The following HTT variants were observed in gnomAD, a reference collection of about 807,000 sequenced individuals.
HTT encodes huntington disease protein.
In HTT, 104 loss-of-function variants were observed where a neutral mutation model predicts 362.3. That is an observed-to-expected ratio of 0.29 (90% confidence interval 0.24 to 0.34). HTT has a LOEUF of 0.34. HTT is among the 10% of genes least tolerant of loss of function. The pLI is 1.00. For missense variants in HTT, 3,301 were observed against 3,928.6 expected, an observed-to-expected ratio of 0.84 and a Z score of 4.27; for synonymous variants, 1,577 against 1,548.7, an observed-to-expected ratio of 1.02 and a Z score of -0.43.
chr4:3,143,964 A>G (rs1166059362), intron 23 of HTT, among the ~76,000 whole-genome samples: 4 of 152,154 alleles, frequency 2.6e-5, no homozygotes, highest in Non-Finnish European at 4.4e-5. Flanking sequence ...ATATCCAAGA[A>G]TCCAAGAATA....
At chr4:3,152,514 A>G (rs887674840) in intron 26 of HTT, among the ~76,000 whole-genome samples, 1 of 152,214 alleles carries the variant, frequency 6.6e-6, no homozygotes, top group African/African-American at 2.4e-5. Flanking sequence ...TTTAGAACCC[A>G]TAAAGGAACT....
At chr4:3,173,224 C>T (rs1718075025) in intron 31 of HTT, 93 bp downstream of exon 31, 3 of 938,746 alleles carry the variant, frequency 3.2e-6, no homozygotes, top group African/African-American at 1.6e-5. Context: ...AAAATGTTAG[C>T]GAACATCTTC....
intron 6 of HTT, among the ~76,000 whole-genome samples, chr4:3,109,934 G>A (rs956494896): frequency 6.6e-6 from 1 of 152,176 alleles, no homozygotes; most frequent in African/African-American, 2.4e-5. Flanking sequence ...TACAGTGTTG[G>A]CTTGTGCTGG....
chr4:3,225,196 C>T (rs1029497808), intron 56 of HTT, among the ~76,000 whole-genome samples: 5 of 152,088 alleles, frequency 3.3e-5, no homozygotes, highest in Admixed American at 2.0e-4. Context: ...ATCCTGCTCC[C>T]GCTCCTGCCG....
intron 3 of HTT, among the ~76,000 whole-genome samples, chr4:3,100,293 A>G (rs1714090304): frequency 6.6e-6 from 1 of 152,200 alleles, no homozygotes; most frequent in South Asian, 2.1e-4. Context: ...AAGTGGTAAG[A>G]AGTGTTCTTA....
rs1402434096 is a variant in HTT at position 3,132,470 on chromosome 4, C to G, written c.2237-92C>G. The G allele has an allele frequency of 6.3e-6, 7 of 1,104,092 alleles. No homozygotes were observed. In the Admixed American group the frequency reaches 1.1e-4, roughly 18 times the overall value. 68.4% of individuals were successfully genotyped at this position (1,104,092 alleles called of 1,614,324 possible). ...GAATTTGGATCTTCTCTTCACACCT[C>G]TTTTTCTCTTTCCTGAGAATTAAGC... On this transcript the variant is annotated intron_variant, in intron 16 of 66. Coordinates refer to ENST00000355072, the MANE Select transcript of HTT (RefSeq NM_001388492.1).
At chr4:3,084,795 C>G (rs753440998) in intron 1 of HTT, among the ~76,000 whole-genome samples, 1 of 151,848 alleles carries the variant, frequency 6.6e-6, no homozygotes, top group Non-Finnish European at 1.5e-5. Context: ...GGGCAGATCA[C>G]GAGGTCAGGA....
In HTT at chr4:3,218,261, C is replaced by T. The variant is rs889567751; in HGVS notation, c.7242+309C>T. Among the ~76,000 whole-genome samples the T allele has an allele frequency of 6.6e-6, 1 of 152,242 alleles. No homozygotes were observed. The highest frequency in any genetic ancestry group is 6.5e-5 in the Admixed American group (1 of 15,284). On this transcript the variant is annotated intron_variant, in intron 52 of 66. Transcript: ENST00000355072. The surrounding 1 kb of genome is among the most constrained non-coding windows in gnomAD (Gnocchi z 4.4). ...TAGCAGACCAGAAACCACACCCCCTCGAGTGAGTGAGATTTTCCTTTGGAG... is the reference window on the plus strand; with the variant it reads ...TAGCAGACCAGAAACCACACCCCCTTGAGTGAGTGAGATTTTCCTTTGGAG...
intron 40 of HTT, among the ~76,000 whole-genome samples, chr4:3,191,995 GTGT>G (rs1472461375): frequency 6.6e-6 from 1 of 152,204 alleles, no homozygotes; most frequent in African/African-American, 2.4e-5. Flanking sequence ...ACTGCATCTA[GTGT>G]TGTAATTCTG....
At chr4:3,134,564 T>C (rs1418296715) in intron 19 of HTT, 24 bp downstream of exon 19, 1 of 1,602,418 alleles carries the variant, frequency 6.2e-7, no homozygotes, top group Admixed American at 1.7e-5. Context: ...ATCCATTAGA[T>C]TTCATGAACT....
At chr4:3,138,642 C>T (rs1716197312) in intron 21 of HTT, among the ~76,000 whole-genome samples, 1 of 152,174 alleles carries the variant, frequency 6.6e-6, no homozygotes, top group African/African-American at 2.4e-5. Flanking sequence ...GATAGGGTCT[C>T]ATTCTATGAT....
At chr4:3,180,406 G>A (rs913870382) in intron 35 of HTT, 109 bp from the exon 36 acceptor site, 30 of 967,774 alleles carry the variant, frequency 3.1e-5, no homozygotes, top group Non-Finnish European at 4.3e-5. Flanking sequence ...AACCAAGTAT[G>A]TGTAAGGGTT....
intron 3 of HTT, among the ~76,000 whole-genome samples, chr4:3,102,133 G>C (rs1052226516): frequency 1.3e-5 from 2 of 152,200 alleles, no homozygotes; most frequent in African/African-American, 4.8e-5. Context: ...GAGGAGGACA[G>C]GTGGGAGGGA....
At chr4:3,221,695 T>C (rs902799359) in intron 53 of HTT, among the ~76,000 whole-genome samples, 2 of 152,196 alleles carry the variant, frequency 1.3e-5, no homozygotes, top group South Asian at 4.1e-4. Flanking sequence ...GACATCATGA[T>C]GGGGACATGA....
intron 12 of HTT, chr4:3,129,521 G>T: frequency 5.9e-6 from 1 of 168,374 alleles, no homozygotes; most frequent in East Asian, 1.8e-4. Context: ...CCTAAATTTA[G>T]TAGATTTAGT....
At chr4:3,211,200 G>A (rs1363221799) in intron 47 of HTT, among the ~76,000 whole-genome samples, 6 of 152,060 alleles carry the variant, frequency 3.9e-5, no homozygotes, top group Admixed American at 2.0e-4. Flanking sequence ...CACCACGCCC[G>A]GCCTAAAATT....
At chr4:3,091,115 GA>G (rs1286411197) in intron 2 of HTT, among the ~76,000 whole-genome samples, 1 of 151,808 alleles carries the variant, frequency 6.6e-6, no homozygotes, top group African/African-American at 2.4e-5. Context: ...TCTGTCTCAA[GA>G]AAAAAGAGAA....
At chr4:3,166,855 T>C (rs1002994122) in intron 29 of HTT, among the ~76,000 whole-genome samples, 4 of 152,224 alleles carry the variant, frequency 2.6e-5, no homozygotes, top group Admixed American at 6.5e-5. Flanking sequence ...ATGGCTTCCT[T>C]TGGCTTGGAA....
intron 46 of HTT, 51 bp from the exon 47 acceptor site, chr4:3,209,776 C>T (rs1312493896): frequency 1.9e-6 from 3 of 1,604,406 alleles, no homozygotes; most frequent in Non-Finnish European, 2.6e-6. Context: ...GATGTGAAGT[C>T]CCCTTGAACG....
Sources: allele counts gnomAD v4.1 joint callset (sites outside exome capture counted in the v4.1 genomes callset), GRCh38; gene constraint gnomAD v4.1.1; non-coding constraint Gnocchi (gnomAD v3.1); transcripts MANE v1.5; gene names NCBI Gene and HGNC (gene_info 2026-07-23, HGNC 2026-07-21).